The following PPIP5K2 variants were observed in gnomAD, a reference collection of about 807,000 sequenced individuals.
PPIP5K2 encodes inositol hexakisphosphate and diphosphoinositol-pentakisphosphate kinase 2.
In PPIP5K2, 105 loss-of-function variants were observed where a neutral mutation model predicts 154.6. That is an observed-to-expected ratio of 0.68 (90% confidence interval 0.58 to 0.80). The LOEUF is 0.80. Among genes scored for constraint, PPIP5K2 ranks in the 30% least tolerant of loss-of-function variants. The pLI, the probability that PPIP5K2 is intolerant of heterozygous loss-of-function variation, is 0.00. For synonymous variants in PPIP5K2, 480 were observed against 490.3 expected (o/e 0.98, Z 0.28); for missense variants, 992 against 1,504.6 (o/e 0.66, Z 5.64).
chr5:103,152,869 C>A, intron 10 of PPIP5K2, 120 bp downstream of exon 10: 1 of 612,260 alleles, frequency 1.6e-6, no homozygotes, highest in Non-Finnish European at 2.8e-6. Context: ...TCATATGATT[C>A]AGCTTGAAGA....
At chr5:103,175,053 CTT>C (rs1798498582) in intron 21 of PPIP5K2, among the ~76,000 whole-genome samples, 1 of 151,994 alleles carries the variant, frequency 6.6e-6, no homozygotes, top group East Asian at 1.9e-4. Context: ...TAAGAATGTT[CTT>C]TTATTTTTCT....
intron 19 of PPIP5K2, among the ~76,000 whole-genome samples, chr5:103,170,152 A>C (rs1554219153): frequency 6.6e-6 from 1 of 151,604 alleles, no homozygotes; most frequent in Non-Finnish European, 1.5e-5. Flanking sequence ...TCTCCTCCTT[A>C]CATGGTGTAT....
intron 24 of PPIP5K2, 108 bp from the exon 25 acceptor site, chr5:103,183,126 T>G (rs1307272921): frequency 9.0e-6 from 9 of 1,001,262 alleles, no homozygotes; most frequent in Non-Finnish European, 1.2e-5. Flanking sequence ...ACTGTATTTT[T>G]TTTTCTTTCT....
chr5:103,171,124 G>T (rs1353643661), intron 19 of PPIP5K2, among the ~76,000 whole-genome samples: 1 of 151,322 alleles, frequency 6.6e-6, no homozygotes, highest in Non-Finnish European at 1.5e-5. Flanking sequence ...GATGCATATG[G>T]TCTATTTTAG....
intron 21 of PPIP5K2, among the ~76,000 whole-genome samples, chr5:103,177,437 G>A (rs1227626788): frequency 1.3e-5 from 2 of 151,962 alleles, no homozygotes; most frequent in African/African-American, 2.4e-5. Context: ...GGATTTTCAA[G>A]TTAGGGATAC....
chr5:103,193,702 T>C (rs1355083290), intron 29 of PPIP5K2, among the ~76,000 whole-genome samples: 1 of 152,134 alleles, frequency 6.6e-6, no homozygotes, highest in Non-Finnish European at 1.5e-5. Flanking sequence ...TACTTTGAGC[T>C]CTTTCAGTTA....
Position 103,136,358 on chromosome 5 carries a change from G to A in PPIP5K2, c.311-374G>A, listed in dbSNP as rs190772734. 2.3e-3 allele frequency among the ~76,000 whole-genome samples: 348 copies of A among 152,248 alleles called. 2 individuals are homozygous for A. The highest frequency in any genetic ancestry group is 7.3e-3 in the African/African-American group (302 of 41,556). Reference sequence around the variant, plus strand: ...AAATATCTAAGTGAAAAGAAGAGATGTTGAATACATTTTTTAAAAATCACC... The same window carrying A: ...AAATATCTAAGTGAAAAGAAGAGATATTGAATACATTTTTTAAAAATCACC... On this transcript the variant is annotated intron_variant, in intron 3 of 30. Coordinates refer to ENST00000358359, the MANE Select transcript of PPIP5K2 (RefSeq NM_001276277.3).
At chr5:103,183,124 T>A (rs1379621615) in intron 24 of PPIP5K2, 110 bp from the exon 25 acceptor site, 3 of 995,778 alleles carry the variant, frequency 3.0e-6, no homozygotes, top group Middle Eastern at 7.0e-4. Flanking sequence ...AAACTGTATT[T>A]TTTTTTCTTT....
At chr5:103,156,555 A>G (rs1377006207) in intron 14 of PPIP5K2, among the ~76,000 whole-genome samples, 2 of 152,216 alleles carry the variant, frequency 1.3e-5, no homozygotes, top group African/African-American at 2.4e-5. Flanking sequence ...GCAGATGACC[A>G]ATAAAATAAT....
In PPIP5K2 at chr5:103,147,918, C is replaced by G. The variant is rs1554209743; in HGVS notation, c.643-13C>G. On this transcript the variant is annotated splice_polypyrimidine_tract_variant and intron_variant, in intron 6 of 30. Transcript: ENST00000358359. ...TTTGCTTTTTTATATCGATGGACAT[C>G]TTTTGTTTTCAGATTGGCAGTAGAA... The G allele has an allele frequency of 1.1e-5, 16 of 1,522,612 alleles. No individual in the cohort carries two copies. The highest frequency in any genetic ancestry group is 6.9e-5 in the East Asian group (3 of 43,624). The allele number at this position is 1,522,612 out of a possible 1,614,324, so 94.3% of individuals were successfully genotyped here. A position where few individuals can be genotyped will look rare whatever the true frequency, so the allele number is the denominator to read the frequency against.
Position 103,138,483 on chromosome 5 carries a change from A to G in PPIP5K2, c.487+14A>G. ...ATAATCCCAAAGGTAAGAGTAAGAG[A>G]TTTTAGGTAAGCTTCCTTTGCCACT... is the stretch of plus-strand genomic sequence containing the variant. On this transcript the variant is annotated intron_variant, in intron 5 of 30. Coordinates refer to ENST00000358359, the MANE Select transcript of PPIP5K2 (RefSeq NM_001276277.3). The G allele has an allele frequency of 6.5e-7, 1 of 1,544,772 alleles. No individual in the cohort carries two copies. The highest frequency in any genetic ancestry group is 8.9e-7 in the Non-Finnish European group (1 of 1,125,892).
At chr5:103,127,725 C>A (rs1241196435) in intron 1 of PPIP5K2, among the ~76,000 whole-genome samples, 1 of 152,142 alleles carries the variant, frequency 6.6e-6, no homozygotes, top group Non-Finnish European at 1.5e-5. Context: ...TAGCAACTAG[C>A]ACAAGTCACT....
At chr5:103,137,731 C>G in intron 4 of PPIP5K2, among the ~76,000 whole-genome samples, 1 of 151,890 alleles carries the variant, frequency 6.6e-6, no homozygotes, top group East Asian at 1.9e-4. Context: ...GGTTTTTTCA[C>G]TTTATTTTTT....
chr5:103,129,839 A>G, intron 2 of PPIP5K2, 136 bp downstream of exon 2: 5 of 1,185,612 alleles, frequency 4.2e-6, no homozygotes, highest in Non-Finnish European at 5.5e-6. Context: ...ATGTTGTTGA[A>G]TCTATGATGA....
chr5:103,183,088 A>T (rs1013265592), intron 24 of PPIP5K2, 146 bp from the exon 25 acceptor site: 15 of 775,754 alleles, frequency 1.9e-5, no homozygotes, highest in South Asian at 5.3e-5. Context: ...ATGGTTTTTT[A>T]AAAAAATTAA....
rs782517672 is a variant in PPIP5K2 at position 103,168,267 on chromosome 5, A to C, written c.2258A>C (p.Lys753Thr). Residue 753 changes from lysine (K) to threonine (T), a missense_variant, in exon 19 of 31, where the codon AAG becomes ACG. By Grantham distance (78) the Lys-to-Thr change is moderately conservative (BLOSUM62 -1). Transcript: ENST00000358359. ...ACAATGGAATTATATAGGCTTTCGA[A>C]GGCATTAGCAGATATTGTTATCCCT... ...ENTMELYRLS[K>T]ALADIVIPQE... 5.0e-6 allele frequency: 8 copies of C among 1,605,472 alleles called. 1 individual carries two copies. In the South Asian group the frequency reaches 8.8e-5, roughly 18 times the overall value.
intron 1 of PPIP5K2, among the ~76,000 whole-genome samples, chr5:103,123,739 A>T (rs541095704): frequency 5.3e-5 from 8 of 152,324 alleles, no homozygotes; most frequent in Middle Eastern, 3.4e-3. Context: ...TAACCAGTCC[A>T]TTTTGGGACC....
At chr5:103,169,687 C>T (rs1408776081) in intron 19 of PPIP5K2, among the ~76,000 whole-genome samples, 2 of 151,698 alleles carry the variant, frequency 1.3e-5, no homozygotes, top group Non-Finnish European at 3.0e-5. Context: ...TCAGACTTTA[C>T]GAATACGTCT....
intron 10 of PPIP5K2, 99 bp downstream of exon 10, chr5:103,152,848 T>G: frequency 1.4e-6 from 1 of 730,880 alleles, no homozygotes; most frequent in East Asian, 2.8e-5. Flanking sequence ...GACACTTTAG[T>G]GTGTATGATT....
Sources: gnomAD v4.1 joint callset for allele counts (sites outside exome capture counted in the v4.1 genomes callset) on GRCh38, gnomAD v4.1.1 for gene constraint, MANE v1.5 for transcripts, NCBI Gene and HGNC (gene_info 2026-07-23, HGNC 2026-07-21) for gene names.